SIK3: variants seen among roughly 807,000 people sequenced by gnomAD.
SIK3 encodes SIK family kinase 3.
In SIK3, 28 loss-of-function variants were observed where a neutral mutation model predicts 144.2. The observed-to-expected ratio is 0.19, with a 90% CI of 0.14 to 0.27. The LOEUF (loss-of-function observed/expected upper bound fraction) is 0.27. Ranked by LOEUF, SIK3 falls within the 10% of genes least tolerant of loss-of-function variation. The probability of loss-of-function intolerance (pLI) is 1.00; values close to 1 mark genes in which losing one functional copy is unlikely to be tolerated. For synonymous variants in SIK3, 686 were observed against 676.3 expected (o/e 1.01, Z -0.22); for missense variants, 1,319 against 1,776.0 (o/e 0.74, Z 4.62).
chr11:116,852,079 A>AT (rs1170029206), intron 21 of SIK3, among the ~76,000 whole-genome samples: 3 of 152,206 alleles, frequency 2.0e-5, no homozygotes. Flanking sequence ...CTGTTTAAAG[A>AT]TTTTTAAAAC....
chr11:116,849,157 T>G lies in SIK3; in HGVS notation c.3782A>C (p.Gln1261Pro). ...VHEHHRPRALQRHHTIQNSDD... is the reference protein window; with the variant it reads ...VHEHHRPRALPRHHTIQNSDD... Reference sequence around the variant, plus strand: ...GCTGTTCTGGATCGTGTGGTGTCTCTGGAGGGCCCGGGGCCTGTGGTGCTC... The same window carrying G: ...GCTGTTCTGGATCGTGTGGTGTCTCGGGAGGGCCCGGGGCCTGTGGTGCTC... The change falls in exon 22 of 25, where the codon CAG becomes CCG. Residue 1261 changes from glutamine to proline, a missense_variant. Gln to Pro is a moderately conservative substitution (Grantham distance 76, BLOSUM62 -1). Around this residue, in one of 8 missense-constraint regions of SIK3, gnomAD observed 646 missense variants for 763.7 expected, o/e 0.85. Transcript: ENST00000445177. The surrounding 1 kb of genome is among the most constrained non-coding windows in gnomAD (Gnocchi z 4.2). The G allele has an allele frequency of 6.2e-7, 1 of 1,611,770 alleles. No homozygotes were observed. Among genetic ancestry groups the G allele is most frequent in the Non-Finnish European group, 8.5e-7 (1 of 1,178,284 alleles).
chr11:116,925,247 T>TCGAAAA (rs1947211737), intron 4 of SIK3, among the ~76,000 whole-genome samples: 4 of 149,144 alleles, frequency 2.7e-5, no homozygotes, highest in Non-Finnish European at 5.9e-5. Context: ...AGGCCCTGTC[T>TCGAAAA]CGAAAACAAA....
intron 4 of SIK3, among the ~76,000 whole-genome samples, chr11:116,924,469 G>A (rs1947167489): frequency 6.6e-6 from 1 of 150,576 alleles, no homozygotes; most frequent in Non-Finnish European, 1.5e-5. Context: ...GTTTTCTACT[G>A]AAACTTACTA....
intron 1 of SIK3, among the ~76,000 whole-genome samples, chr11:117,046,427 A>C (rs1430657820): frequency 6.6e-6 from 1 of 152,194 alleles, no homozygotes; most frequent in African/African-American, 2.4e-5. Flanking sequence ...AATGGGGGGA[A>C]AAAGGTGTCT....
At chr11:116,990,862 C>T (rs1950478002) in intron 1 of SIK3, among the ~76,000 whole-genome samples, 1 of 152,224 alleles carries the variant, frequency 6.6e-6, no homozygotes, top group African/African-American at 2.4e-5. Flanking sequence ...TCCCCTCCAC[C>T]TCCCAAAATC....
At chr11:116,917,799 A>G (rs1162648189) in intron 4 of SIK3, among the ~76,000 whole-genome samples, 1 of 149,814 alleles carries the variant, frequency 6.7e-6, no homozygotes, top group Admixed American at 6.7e-5. Context: ...GGAGAGGACA[A>G]GAGAGGAAGG....
chr11:116,878,929 A>G (rs1591449906), intron 6 of SIK3, among the ~76,000 whole-genome samples: 1 of 152,098 alleles, frequency 6.6e-6, no homozygotes, highest in Non-Finnish European at 1.5e-5. Context: ...GTCACTCTCT[A>G]TTACATCACA....
At chr11:116,914,621 A>T (rs1451551889) in intron 4 of SIK3, among the ~76,000 whole-genome samples, 1 of 152,200 alleles carries the variant, frequency 6.6e-6, no homozygotes, top group African/African-American at 2.4e-5. Context: ...ACATGAAACA[A>T]GCACACATGT....
intron 1 of SIK3, among the ~76,000 whole-genome samples, chr11:117,076,386 A>G (rs1954536921): frequency 6.6e-6 from 1 of 152,144 alleles, no homozygotes; most frequent in African/African-American, 2.4e-5. Context: ...CCATCCCCCT[A>G]TTTACAGAAG....
chr11:116,939,520 A>C (rs1430508052), intron 3 of SIK3, among the ~76,000 whole-genome samples: 1 of 152,268 alleles, frequency 6.6e-6, no homozygotes, highest in Non-Finnish European at 1.5e-5. Flanking sequence ...GACTGATGGG[A>C]AACTTTATAA....
rs746880915 is a variant in SIK3 at position 116,858,025 on chromosome 11, C to T, written c.3440G>A (p.Cys1147Tyr). ...GCCATCCTTGGCCCCCTCACACGAG[C>T]AGTCCTCCTCCATGCTCTCTGAATG... ...LMHSESMEED[C>Y]SCEGAKDGFQ... The change falls in exon 21 of 25, where the codon TGC becomes TAC. Residue 1147 changes from cysteine (C) to tyrosine (Y), a missense_variant. This residue lies in a region of SIK3 where 646 missense variants were observed against 763.7 expected (regional missense o/e 0.85). Coordinates refer to ENST00000445177, the MANE Select transcript of SIK3 (RefSeq NM_001366686.3). This position sits in a 1 kb window ranked among gnomAD's most constrained non-coding sequence, Gnocchi z 5.4. 5.0e-6 allele frequency: 8 copies of T among 1,613,750 alleles called. No individual in the cohort carries two copies. The Admixed American group carries it at 1.2e-4, about 24-fold the overall frequency.
At chr11:117,019,973 C>T (rs943633747) in intron 1 of SIK3, among the ~76,000 whole-genome samples, 7 of 151,968 alleles carry the variant, frequency 4.6e-5, no homozygotes, top group African/African-American at 1.7e-4. Flanking sequence ...TAAGGAGCTA[C>T]ACTATTTGTA....
At chr11:116,878,205 C>G (rs1026704807) in intron 6 of SIK3, among the ~76,000 whole-genome samples, 1 of 152,290 alleles carries the variant, frequency 6.6e-6, no homozygotes, top group East Asian at 1.9e-4. Context: ...CCCGGTCTTT[C>G]TGCTTCCATT....
In SIK3 at chr11:116,846,678, A is replaced by T. The variant is rs1232410257; in HGVS notation, c.3953-125T>A. On this transcript the variant is annotated intron_variant, in intron 23 of 24. Coordinates refer to ENST00000445177, the MANE Select transcript of SIK3 (RefSeq NM_001366686.3). This position sits in a 1 kb window ranked among gnomAD's most constrained non-coding sequence, Gnocchi z 4.1. ...CCCACAGCCTGACTCCCAGCCCTGAATTCTAGCTCACAGCAGGCCCTCAAG... is the reference window on the plus strand; with the variant it reads ...CCCACAGCCTGACTCCCAGCCCTGATTTCTAGCTCACAGCAGGCCCTCAAG... 3 of 1,086,586 alleles carry T rather than the reference A, an allele frequency of 2.8e-6. 1 individual carries two copies. The African/African-American group carries it at 4.7e-5, about 17-fold the overall frequency. The allele number at this position is 1,086,586 out of a possible 1,614,324, so 67.3% of individuals were successfully genotyped here.
At position 116,876,959 on chromosome 11, in the gene SIK3, T is replaced by C; in HGVS notation, c.949A>G (p.Met317Val). The change falls in exon 7 of 25, where the codon ATG becomes GTG. Residue 317 changes from methionine to valine, a missense_variant. By Grantham distance (21) the Met-to-Val change is conservative. Coordinates refer to ENST00000445177, the MANE Select transcript of SIK3 (RefSeq NM_001366686.3). ...SMEQICKHKW[M>V]KLGDADPNFD... ...TTGGGATCGGCGTCCCCTAGCTTCA[T>C]CCACTTGTGCTTGCAGATCTGCTCC... 1 of 1,614,148 alleles carries C rather than the reference T, an allele frequency of 6.2e-7. No individual in the cohort carries two copies. Among genetic ancestry groups the C allele is most frequent in the Non-Finnish European group, 8.5e-7 (1 of 1,180,008 alleles).
intron 1 of SIK3, among the ~76,000 whole-genome samples, chr11:117,018,882 T>G (rs532275170): frequency 6.6e-6 from 1 of 151,754 alleles, no homozygotes; most frequent in Non-Finnish European, 1.5e-5. Flanking sequence ...CGGCTAATTT[T>G]TGTATTTTTA....
intron 1 of SIK3, among the ~76,000 whole-genome samples, chr11:117,063,484 A>G (rs965797028): frequency 2.2e-4 from 34 of 152,212 alleles, no homozygotes; most frequent in Non-Finnish European, 2.9e-5. Flanking sequence ...TCCCTTTCTG[A>G]AAAGGTAAAT....
chr11:116,925,743 A>G (rs947893157), intron 4 of SIK3, among the ~76,000 whole-genome samples: 8 of 152,234 alleles, frequency 5.3e-5, no homozygotes, highest in Non-Finnish European at 7.3e-5. Context: ...TGAAATTGCC[A>G]GGCTTTTCCA....
At chr11:117,054,029 C>G (rs552892894) in intron 1 of SIK3, among the ~76,000 whole-genome samples, 1 of 152,290 alleles carries the variant, frequency 6.6e-6, no homozygotes, top group East Asian at 1.9e-4. Flanking sequence ...CTTCAGACTC[C>G]CAAGTAGCTA....
Sources: gnomAD v4.1 joint callset for allele counts (sites outside exome capture counted in the v4.1 genomes callset) on GRCh38, gnomAD v4.1.1 for gene constraint, gnomAD v4.1.1 regional missense constraint, Gnocchi (gnomAD v3.1) non-coding constraint, MANE v1.5 for transcripts, NCBI Gene and HGNC (gene_info 2026-07-23, HGNC 2026-07-21) for gene names.